Variants in RBPJ observed in about 807,000 individuals in gnomAD.
The protein encoded by RBPJ is recombination signal binding protein for immunoglobulin kappa J region, also known as recombining binding protein suppressor of hairless.
A neutral mutation model predicts 67.8 loss-of-function variants in RBPJ; 9 were observed. The ratio of observed to expected loss-of-function variants is 0.13; its 90% confidence interval spans 0.08 to 0.23. RBPJ has a LOEUF of 0.23. Among genes scored for constraint, RBPJ ranks in the 10% least tolerant of loss-of-function variants. RBPJ has a pLI of 1.00. For synonymous variants in RBPJ, 198 were observed against 203.3 expected (o/e 0.97, Z 0.22); for missense variants, 305 against 595.6 (o/e 0.51, Z 5.08).
At chr4:26,122,413 T>A in the RBPJ span, among the ~76,000 whole-genome samples, 1 of 152,354 alleles carries the variant, frequency 6.6e-6, no homozygotes, top group South Asian at 2.1e-4. Flanking sequence ...GTGGTTCATA[T>A]GTTTCTGGCA....
chr4:26,319,029 A>G (rs1209205487), upstream of RBPJ, among the ~76,000 whole-genome samples: 2 of 150,536 alleles, frequency 1.3e-5, no homozygotes, highest in Non-Finnish European at 3.0e-5. Context: ...AAAGAAACCA[A>G]TTGCTAAAGT....
the RBPJ span, among the ~76,000 whole-genome samples, chr4:26,105,648 A>T: frequency 5.3e-5 from 8 of 152,228 alleles, no homozygotes; most frequent in Non-Finnish European, 8.8e-5. Context: ...TAATGACTAG[A>T]ACCAACTGGA....
chr4:26,415,431 T>A, intron 3 of RBPJ, 44 bp from the exon 4 acceptor site: 1 of 1,429,728 alleles, frequency 7.0e-7, no homozygotes, highest in Non-Finnish European at 9.6e-7. Flanking sequence ...TGAATCTAAT[T>A]GATTTTTGCT....
Position 26,164,239 on chromosome 4 carries a change from G to A in RBPJ, c.-167+625G>A, listed in dbSNP as rs377602983. 3.3e-5 allele frequency among the ~76,000 whole-genome samples: 5 copies of A among 152,294 alleles called. No homozygotes were observed. The East Asian group carries it at 9.6e-4, about 29-fold the overall frequency. On this transcript the variant is annotated intron_variant, in intron 1 of 4. Coordinates refer to the RBPJ transcript ENST00000512351. ...AATTTAGCTGAAAGACAACAGAAAT[G>A]TTCATGCATGCGTTTATTCACTTGT...
At chr4:26,317,163 TGTTA>T, upstream of RBPJ, among the ~76,000 whole-genome samples, 1 of 151,526 alleles carries the variant, frequency 6.6e-6, no homozygotes, top group African/African-American at 2.4e-5. Context: ...ATAAATGTTA[TGTTA>T]GTTAATGATA....
intron 1 of RBPJ, among the ~76,000 whole-genome samples, chr4:26,260,207 G>A (rs1039842201): frequency 1.3e-5 from 2 of 152,196 alleles, no homozygotes; most frequent in Non-Finnish European, 2.9e-5. Context: ...GTTTAGAAGG[G>A]AATTGTGAGT....
intron 1 of RBPJ, among the ~76,000 whole-genome samples, chr4:26,181,098 G>A (rs1346701808): frequency 2.6e-5 from 4 of 152,168 alleles, no homozygotes; most frequent in African/African-American, 9.7e-5. Context: ...GTGGAACTGT[G>A]AGTCCGTTAA....
At chr4:26,140,706 G>T in the RBPJ span, among the ~76,000 whole-genome samples, 3 of 141,808 alleles carry the variant, frequency 2.1e-5, no homozygotes, top group East Asian at 2.1e-4. Flanking sequence ...GATTAATTAG[G>T]TCTGGGTCCA....
intron 1 of RBPJ, chr4:26,384,744 T>C (rs1730640705): frequency 1.3e-5 from 2 of 151,842 alleles, no homozygotes; most frequent in Admixed American, 6.6e-5. Flanking sequence ...TTATTGAGTA[T>C]TTACTGTGTT....
At chr4:26,195,276 A>G (rs1717713568) in intron 1 of RBPJ, among the ~76,000 whole-genome samples, 1 of 152,212 alleles carries the variant, frequency 6.6e-6, no homozygotes, top group Non-Finnish European at 1.5e-5. Flanking sequence ...AGGCTGAGGC[A>G]GGAGGATCAC....
At position 26,350,593 on chromosome 4, in the gene RBPJ, CATATG is replaced by C. The variant is rs60800456; in HGVS notation, c.20+29549_20+29553del. Among the ~76,000 whole-genome samples, 755 of 152,238 alleles carry C rather than the reference CATATG, an allele frequency of 5.0e-3. 9 individuals carry two copies. Among genetic ancestry groups the C allele is most frequent in the African/African-American group, 0.018 (733 of 41,546 alleles). On this transcript the variant is annotated intron_variant, in intron 1 of 10. Coordinates refer to ENST00000355476, the MANE Select transcript of RBPJ (RefSeq NM_015874.6). Reference sequence around the variant, plus strand: ...GGACAAAAAACCTACAACCTATAGACATATGATAGGTGAACAGTTCATTAAAGGAC... The same window carrying C: ...GGACAAAAAACCTACAACCTATAGACATAGGTGAACAGTTCATTAAAGGAC...
the RBPJ span, among the ~76,000 whole-genome samples, chr4:26,125,102 C>G: frequency 2.6e-5 from 4 of 152,206 alleles, no homozygotes; most frequent in Admixed American, 6.5e-5. Flanking sequence ...CACATCTCTT[C>G]CCTTTAAGGA....
intron 2 of RBPJ, among the ~76,000 whole-genome samples, chr4:26,396,181 T>C (rs1296098929): frequency 6.6e-6 from 1 of 152,226 alleles, no homozygotes; most frequent in Admixed American, 6.5e-5. Context: ...GAATTTAAAT[T>C]GATAGTCAAA....
the RBPJ span, among the ~76,000 whole-genome samples, chr4:26,132,502 A>G: frequency 6.6e-6 from 1 of 151,942 alleles, no homozygotes; most frequent in African/African-American, 2.4e-5. Flanking sequence ...TCTGCCCAGG[A>G]GTGTGGGTTT....
At chr4:26,151,500 T>C in the RBPJ span, among the ~76,000 whole-genome samples, 1 of 152,244 alleles carries the variant, frequency 6.6e-6, no homozygotes, top group East Asian at 1.9e-4. Flanking sequence ...GTTAAACTGT[T>C]GTGGAATAGT....
chr4:26,424,528 A>G lies in RBPJ; in HGVS notation c.634+49A>G. On this transcript the variant is annotated intron_variant, in intron 6 of 10. Transcript: ENST00000355476. This position sits in a 1 kb window ranked among gnomAD's most constrained non-coding sequence, Gnocchi z 5.3. ...ATGTTTTTAGTGTGAAATTGTTAAAATCTTTTGATGAGATACATGGATATA... is the reference window on the plus strand; with the variant it reads ...ATGTTTTTAGTGTGAAATTGTTAAAGTCTTTTGATGAGATACATGGATATA... 1 of 1,594,728 alleles carries G rather than the reference A, an allele frequency of 6.3e-7. No homozygotes were observed.
Position 26,430,599 on chromosome 4 carries a change from T to C in RBPJ, c.1148+77T>C, listed in dbSNP as rs1736120146. 1 of 1,526,990 alleles carries C rather than the reference T, an allele frequency of 6.5e-7. No homozygotes were observed. Among genetic ancestry groups the C allele is most frequent in the East Asian group, 2.3e-5 (1 of 44,368 alleles). 94.6% of individuals were successfully genotyped at this position (1,526,990 alleles called of 1,614,324 possible). On this transcript the variant is annotated intron_variant, in intron 10 of 10. Transcript: ENST00000355476. The surrounding 1 kb of genome is among the most constrained non-coding windows in gnomAD (Gnocchi z 4.1). The stretch of plus-strand genomic sequence containing the variant: ...CAGGAGATTCTTTCCTGGCACTGAT[T>C]GTAATGTATTAAACAACCTTGTGTT...
chr4:26,313,469 C>T (rs1270189057), intron 1 of RBPJ, among the ~76,000 whole-genome samples: 2 of 152,010 alleles, frequency 1.3e-5, no homozygotes, highest in African/African-American at 2.4e-5. Context: ...AGATCGAGAC[C>T]ATTCTGGTTA....
At chr4:26,170,075 C>T (rs1716510263) in intron 1 of RBPJ, among the ~76,000 whole-genome samples, 1 of 152,126 alleles carries the variant, frequency 6.6e-6, no homozygotes, top group Admixed American at 6.5e-5. Flanking sequence ...CGGTGCGCTG[C>T]ACCTACTGTC....
Sources: allele counts gnomAD v4.1 joint callset (sites outside exome capture counted in the v4.1 genomes callset), GRCh38; gene constraint gnomAD v4.1.1; non-coding constraint Gnocchi (gnomAD v3.1); transcripts MANE v1.5; gene names NCBI Gene and HGNC (gene_info 2026-07-23, HGNC 2026-07-21).